The following ADAMTS3 variants were observed in gnomAD, a reference collection of about 807,000 sequenced individuals.
The protein encoded by ADAMTS3 is A disintegrin and metalloproteinase with thrombospondin motifs 3.
In ADAMTS3, 73 loss-of-function variants were observed where a neutral mutation model predicts 129.0. That is an observed-to-expected ratio of 0.57 (90% CI 0.47 to 0.69). The LOEUF is 0.69. Among genes scored for constraint, ADAMTS3 ranks in the 30% least tolerant of loss-of-function variants. ADAMTS3 has a pLI of 0.00. For synonymous variants in ADAMTS3, 477 were observed against 510.8 expected, an observed-to-expected ratio of 0.93 and a Z score of 0.89; for missense variants, 1,457 against 1,514.5, an observed-to-expected ratio of 0.96 and a Z score of 0.63.
At chr4:72,452,892 G>T (rs1718443796) in intron 3 of ADAMTS3, among the ~76,000 whole-genome samples, 1 of 151,738 alleles carries the variant, frequency 6.6e-6, no homozygotes, top group Non-Finnish European at 1.5e-5. Context: ...TCTCTGAAGG[G>T]ATGTATCGGA....
chr4:72,375,003 A>G (rs1324203811), intron 4 of ADAMTS3, among the ~76,000 whole-genome samples: 1 of 152,180 alleles, frequency 6.6e-6, no homozygotes, highest in Non-Finnish European at 1.5e-5. Context: ...AGGTTATTAC[A>G]TGATGGGAGA....
intron 3 of ADAMTS3, among the ~76,000 whole-genome samples, chr4:72,518,485 G>T (rs1043921934): frequency 6.6e-6 from 1 of 151,942 alleles, no homozygotes; most frequent in Non-Finnish European, 1.5e-5. Context: ...TCTCTTTGTA[G>T]GTCACTCAGG....
At chr4:72,388,808 AAAAACCTGCAAAGGGAAAAGTC>A (rs1476782737) in intron 4 of ADAMTS3, among the ~76,000 whole-genome samples, 1 of 152,210 alleles carries the variant, frequency 6.6e-6, no homozygotes, top group Non-Finnish European at 1.5e-5. Context: ...GCATACAAAG[AAAAACCTGCAAAGGGAAAAGTC>A]ACACAGGGTG....
At chr4:72,362,818 G>A (rs1477193711) in intron 4 of ADAMTS3, among the ~76,000 whole-genome samples, 1 of 152,032 alleles carries the variant, frequency 6.6e-6, no homozygotes, top group Non-Finnish European at 1.5e-5. Context: ...TAGTAAATAG[G>A]TCATATATTT....
intron 3 of ADAMTS3, among the ~76,000 whole-genome samples, chr4:72,471,127 A>C (rs1175683604): frequency 6.6e-6 from 1 of 152,186 alleles, no homozygotes; most frequent in South Asian, 2.1e-4. Context: ...TTCTTGAAAA[A>C]TAACGTGAGC....
At chr4:72,388,514 T>C (rs983406206) in intron 4 of ADAMTS3, among the ~76,000 whole-genome samples, 1 of 152,222 alleles carries the variant, frequency 6.6e-6, no homozygotes, top group Admixed American at 6.5e-5. Context: ...TGTGCCCCAG[T>C]AGCTTGTGCA....
chr4:72,399,751 A>T (rs1385999229), intron 4 of ADAMTS3, among the ~76,000 whole-genome samples: 1 of 150,776 alleles, frequency 6.6e-6, no homozygotes, highest in African/African-American at 2.5e-5. Flanking sequence ...GTGTGTACGC[A>T]TATGTGTGTA....
intron 21 of ADAMTS3, among the ~76,000 whole-genome samples, chr4:72,285,389 A>G (rs2030575956): frequency 6.6e-6 from 1 of 152,106 alleles, no homozygotes; most frequent in African/African-American, 2.4e-5. Flanking sequence ...TTTTTTTGAA[A>G]ACCTGTATCT....
At chr4:72,418,202 G>C (rs1055032406) in intron 3 of ADAMTS3, among the ~76,000 whole-genome samples, 4 of 151,806 alleles carry the variant, frequency 2.6e-5, no homozygotes. Flanking sequence ...TTTTTCACTC[G>C]AAATTATCTA....
intron 3 of ADAMTS3, among the ~76,000 whole-genome samples, chr4:72,467,537 T>C (rs1327350608): frequency 6.6e-6 from 1 of 152,004 alleles, no homozygotes; most frequent in Non-Finnish European, 1.5e-5. Context: ...TTATTTCGTC[T>C]TTATTCCATA....
intron 4 of ADAMTS3, among the ~76,000 whole-genome samples, chr4:72,404,195 G>A (rs1721994479): frequency 6.6e-6 from 1 of 151,978 alleles, no homozygotes; most frequent in African/African-American, 2.4e-5. Context: ...AAACCACAGA[G>A]GACCCTTGGT....
intron 4 of ADAMTS3, among the ~76,000 whole-genome samples, chr4:72,386,328 A>C (rs186309707): frequency 4.5e-4 from 69 of 152,094 alleles, no homozygotes; most frequent in African/African-American, 1.5e-3. Flanking sequence ...ATATATATAC[A>C]CTCTTATTTT....
intron 4 of ADAMTS3, among the ~76,000 whole-genome samples, chr4:72,405,477 T>C (rs1722028328): frequency 6.6e-6 from 1 of 152,154 alleles, no homozygotes; most frequent in Non-Finnish European, 1.5e-5. Flanking sequence ...GTAAGCTAGG[T>C]TGTGTTAAGA....
intron 2 of ADAMTS3, among the ~76,000 whole-genome samples, chr4:72,563,769 A>T (rs942125266): frequency 3.3e-5 from 5 of 152,196 alleles, no homozygotes; most frequent in African/African-American, 9.6e-5. Flanking sequence ...AATTCAGAAC[A>T]TAGATAAACC....
At chr4:72,490,380 T>G (rs977611036) in intron 3 of ADAMTS3, among the ~76,000 whole-genome samples, 1 of 152,012 alleles carries the variant, frequency 6.6e-6, no homozygotes, top group African/African-American at 2.4e-5. Flanking sequence ...TATTTTTGCT[T>G]TTGTTGCCTG....
intron 3 of ADAMTS3, among the ~76,000 whole-genome samples, chr4:72,474,472 G>A (rs969016081): frequency 3.9e-5 from 6 of 151,930 alleles, no homozygotes; most frequent in Non-Finnish European, 8.8e-5. Context: ...AAAAGAATCA[G>A]TAAACTGGAA....
intron 3 of ADAMTS3, among the ~76,000 whole-genome samples, chr4:72,484,499 T>A (rs1488515166): frequency 6.6e-6 from 1 of 152,146 alleles, no homozygotes; most frequent in Non-Finnish European, 1.5e-5. Context: ...AAGGCACAAA[T>A]GGAGTTGTAT....
At chr4:72,496,764 C>T (rs951810955) in intron 3 of ADAMTS3, among the ~76,000 whole-genome samples, 1 of 152,152 alleles carries the variant, frequency 6.6e-6, no homozygotes, top group Admixed American at 6.6e-5. Flanking sequence ...GGCCTCCTCA[C>T]TTTACATGGA....
At chr4:72,540,510 C>T (rs1035387399) in intron 3 of ADAMTS3, among the ~76,000 whole-genome samples, 6 of 152,166 alleles carry the variant, frequency 3.9e-5, no homozygotes, top group Admixed American at 6.5e-5. Context: ...GCATAAATAA[C>T]AAGGAGCCAA....
Sources: gnomAD v4.1 joint callset for allele counts (sites outside exome capture counted in the v4.1 genomes callset) on GRCh38, gnomAD v4.1.1 for gene constraint, MANE v1.5 for transcripts, NCBI Gene and HGNC (gene_info 2026-07-23, HGNC 2026-07-21) for gene names.